CDH12: variants seen among roughly 807,000 people sequenced by gnomAD.
CDH12 encodes cadherin-12.
Under a neutral mutation model 74.1 loss-of-function variants are expected in CDH12, and 41 were observed. The ratio of observed to expected loss-of-function variants is 0.55; its 90% CI spans 0.43 to 0.72. The LOEUF (loss-of-function observed/expected upper bound fraction) is 0.72. Ranked by LOEUF, CDH12 falls within the 30% of genes least tolerant of loss-of-function variation. The pLI is 0.00. For missense variants in CDH12, 945 were observed against 977.2 expected (o/e 0.97, Z 0.44); for synonymous variants, 399 against 355.0 (o/e 1.12, Z -1.39).
intron 2 of CDH12, among the ~76,000 whole-genome samples, chr5:22,502,172 T>C (rs916870445): frequency 6.6e-6 from 1 of 152,118 alleles, no homozygotes; most frequent in Non-Finnish European, 1.5e-5. Context: ...CTCCCACATG[T>C]TGTAGGAGGC....
At chr5:22,135,020 G>A (rs1746374841) in intron 4 of CDH12, among the ~76,000 whole-genome samples, 1 of 151,906 alleles carries the variant, frequency 6.6e-6, no homozygotes, top group Non-Finnish European at 1.5e-5. Context: ...GCTCAATTGA[G>A]GAAATCAAAT....
chr5:22,114,724 G>A (rs1436885417), intron 4 of CDH12, among the ~76,000 whole-genome samples: 1 of 152,088 alleles, frequency 6.6e-6, no homozygotes, highest in Non-Finnish European at 1.5e-5. Flanking sequence ...GTGTACATAA[G>A]GATTCTATTT....
chr5:22,148,459 T>A (rs987063675), intron 4 of CDH12, among the ~76,000 whole-genome samples: 3 of 151,554 alleles, frequency 2.0e-5, no homozygotes, highest in Non-Finnish European at 2.9e-5. Flanking sequence ...ATAGCAGAGG[T>A]GGGAATGCAT....
Position 21,791,529 on chromosome 5 carries a change from A to G in CDH12, c.1257-8035T>C, listed in dbSNP as rs537456043. ...AATTTGGCCTAACAGATGAGTTTCAATGAGCAAAATATTTAAACAGAAAGT... is the reference window on the plus strand; with the variant it reads ...AATTTGGCCTAACAGATGAGTTTCAGTGAGCAAAATATTTAAACAGAAAGT... On this transcript the variant is annotated intron_variant, in intron 10 of 14. Coordinates refer to ENST00000382254, the MANE Select transcript of CDH12 (RefSeq NM_004061.5). 2.6e-5 allele frequency among the ~76,000 whole-genome samples: 4 copies of G among 152,144 alleles called. No homozygotes were observed. The South Asian group carries it at 8.3e-4, about 32-fold the overall frequency.
chr5:22,064,009 A>G (rs934549882), intron 5 of CDH12, among the ~76,000 whole-genome samples: 5 of 151,554 alleles, frequency 3.3e-5, no homozygotes, highest in East Asian at 3.9e-4. Flanking sequence ...ACACACACAC[A>G]CACACACACA....
intron 5 of CDH12, among the ~76,000 whole-genome samples, chr5:22,065,406 T>A (rs1741483367): frequency 6.6e-6 from 1 of 152,172 alleles, no homozygotes; most frequent in Non-Finnish European, 1.5e-5. Context: ...AAGCAGAGAC[T>A]CTGCATTTAA....
chr5:21,835,351 T>C (rs13358085), intron 8 of CDH12, among the ~76,000 whole-genome samples: 1,813 of 151,318 alleles, frequency 0.012, 33 homozygotes, highest in African/African-American at 0.042. Context: ...TGTATATATA[T>C]GTTACGTATG....
At chr5:22,324,069 C>A (rs546349687) in intron 3 of CDH12, among the ~76,000 whole-genome samples, 33 of 152,194 alleles carry the variant, frequency 2.2e-4, no homozygotes, top group African/African-American at 7.9e-4. Context: ...CATAGGCATA[C>A]AACACATTTA....
chr5:21,879,999 C>A (rs1561267082), intron 6 of CDH12, among the ~76,000 whole-genome samples: 1 of 152,178 alleles, frequency 6.6e-6, no homozygotes, highest in Non-Finnish European at 1.5e-5. Flanking sequence ...AAGCTGTGAG[C>A]AGACAGTTCT....
chr5:21,856,561 AT>A (rs1318566065), intron 6 of CDH12, among the ~76,000 whole-genome samples: 1 of 151,816 alleles, frequency 6.6e-6, no homozygotes, highest in African/African-American at 2.4e-5. Flanking sequence ...CCGTATTGCA[AT>A]TTATAGTCGG....
At chr5:22,058,672 A>AG (rs1166090207) in intron 5 of CDH12, among the ~76,000 whole-genome samples, 4 of 151,048 alleles carry the variant, frequency 2.6e-5, no homozygotes. Context: ...GAAGGAAAGG[A>AG]GAAAAAAAGA....
At chr5:22,218,678 C>CA (rs1182492374) in intron 3 of CDH12, among the ~76,000 whole-genome samples, 2 of 151,504 alleles carry the variant, frequency 1.3e-5, no homozygotes, top group Non-Finnish European at 3.0e-5. Context: ...ATATATGTGT[C>CA]AAAACCCATC....
chr5:21,790,354 C>T (rs1044352674), intron 10 of CDH12, among the ~76,000 whole-genome samples: 12 of 151,970 alleles, frequency 7.9e-5, no homozygotes, highest in African/African-American at 2.9e-4. Flanking sequence ...TTCTGTATAT[C>T]AATCCACTAG....
intron 8 of CDH12, among the ~76,000 whole-genome samples, chr5:21,836,692 T>C (rs1292485476): frequency 6.6e-6 from 1 of 151,916 alleles, no homozygotes; most frequent in Non-Finnish European, 1.5e-5. Flanking sequence ...TTATAATGTA[T>C]AATTTAGATC....
At position 22,801,135 on chromosome 5, in the gene CDH12, G is replaced by A. The variant is rs1178193012; in HGVS notation, c.-523+51923C>T. Among the ~76,000 whole-genome samples, 3 of 152,134 alleles carry A rather than the reference G, an allele frequency of 2.0e-5. No individual in the cohort carries two copies. In the South Asian group the frequency reaches 6.2e-4, roughly 32 times the overall value. ...AACTACCGCATTGTCTTCCAAAGTG[G>A]CTATACCATTTCGCATTACCTCCAG... On this transcript the variant is annotated intron_variant, in intron 1 of 14. Coordinates refer to ENST00000382254, the MANE Select transcript of CDH12 (RefSeq NM_004061.5).
intron 4 of CDH12, among the ~76,000 whole-genome samples, chr5:22,164,174 C>T (rs1748531207): frequency 6.6e-6 from 1 of 152,178 alleles, no homozygotes; most frequent in South Asian, 2.1e-4. Flanking sequence ...CGGCGGGCCA[C>T]TTCCAAGATG....
At chr5:22,684,158 AT>A (rs200522308) in intron 1 of CDH12, among the ~76,000 whole-genome samples, 26 of 151,788 alleles carry the variant, frequency 1.7e-4, no homozygotes, top group South Asian at 6.3e-4. Flanking sequence ...TCTTTAAATC[AT>A]TTTTTTTCCT....
At chr5:22,805,539 T>C (rs537876098) in intron 1 of CDH12, among the ~76,000 whole-genome samples, 2 of 152,266 alleles carry the variant, frequency 1.3e-5, no homozygotes, top group African/African-American at 4.8e-5. Flanking sequence ...TTTGCTTAAT[T>C]TGTGATCCTT....
intron 1 of CDH12, among the ~76,000 whole-genome samples, chr5:22,573,739 C>T (rs879639453): frequency 3.9e-5 from 6 of 151,952 alleles, no homozygotes; most frequent in Non-Finnish European, 7.4e-5. Context: ...TCTTAAGATA[C>T]TTGGTTAACA....
Sources: gnomAD v4.1 joint callset for allele counts (sites outside exome capture counted in the v4.1 genomes callset) on GRCh38, gnomAD v4.1.1 for gene constraint, MANE v1.5 for transcripts, NCBI Gene and HGNC (gene_info 2026-07-23, HGNC 2026-07-21) for gene names.